The following RTL6 variants were observed in gnomAD, a reference collection of about 807,000 sequenced individuals.
The protein encoded by RTL6 is retrotransposon Gag-like protein 6.
RTL6 carries 9 observed loss-of-function variants against 12.4 expected under a neutral mutation model. That is an observed-to-expected ratio of 0.73 (90% CI 0.44 to 1.27). The LOEUF is 1.27. Among genes scored for constraint, RTL6 ranks in the 50% most tolerant of loss-of-function variants. The pLI is 0.00. For missense variants in RTL6, 291 were observed against 330.7 expected, an observed-to-expected ratio of 0.88 and a Z score of 0.93; for synonymous variants, 160 against 142.8, an observed-to-expected ratio of 1.12 and a Z score of -0.86.
In RTL6 at chr22:44,496,759, G is replaced by C. The variant is rs1022402266; in HGVS notation, c.*78C>G. On this transcript the variant is annotated 3_prime_UTR_variant, in exon 2 of 2. Coordinates refer to ENST00000341255, the MANE Select transcript of RTL6 (RefSeq NM_032287.3). ...GTCTTCAAACAGGGGCAAAGCTGTC[G>C]TATGGGCATTTCTTCTACACAGCAA... 8.1e-6 allele frequency: 12 copies of C among 1,482,736 alleles called. No individual in the cohort carries two copies. Among genetic ancestry groups the C allele is most frequent in the African/African-American group, 5.6e-5 (4 of 71,068 alleles). The allele number at this position is 1,482,736 out of a possible 1,614,324, so 91.8% of individuals were successfully genotyped here.
rs531656869 is a variant in RTL6 at position 44,493,134 on chromosome 22, T to C, written c.*3703A>G. On this transcript the variant is annotated 3_prime_UTR_variant, in exon 2 of 2. Transcript: ENST00000341255. ...ATCATAAGGGGAGATGCCCACGATA[T>C]GCTAAGTGAAAACAGCTGCACAAAA... The C allele has an allele frequency of 3.9e-4, 59 of 152,260 alleles. No individual in the cohort carries two copies. Among genetic ancestry groups the C allele is most frequent in the African/African-American group, 1.3e-3 (55 of 41,532 alleles). The allele number at this position is 152,260 out of a possible 1,614,324, so 9.4% of individuals were successfully genotyped here.
chr22:44,496,625 T>C lies in RTL6; in HGVS notation c.*212A>G. 1 of 649,898 alleles carries C rather than the reference T, an allele frequency of 1.5e-6. No individual in the cohort carries two copies. The highest frequency in any genetic ancestry group is 1.9e-5 in the South Asian group (1 of 51,444). 40.3% of individuals were successfully genotyped at this position (649,898 alleles called of 1,614,324 possible). On this transcript the variant is annotated 3_prime_UTR_variant, in exon 2 of 2. Transcript: ENST00000341255. The stretch of plus-strand genomic sequence containing the variant: ...AGGCGAGCATGCAGTGAGCGATAGG[T>C]ACAAAGCTAGCACGTAAGAGGAAGC...
chr22:44,497,690 G>T lies in RTL6; in HGVS notation c.-134C>A. ...GGCGCTGCGAGACCCCCAAGCCGAG[G>T]GCCCGAGAGAGGGGCACGCGGTGCC... On this transcript the variant is annotated 5_prime_UTR_variant, in exon 2 of 2. Transcript: ENST00000341255. 7.9e-7 allele frequency: 1 copy of T among 1,272,148 alleles called. No individual in the cohort carries two copies. The highest frequency in any genetic ancestry group is 1.1e-6 in the Non-Finnish European group (1 of 935,828). 78.8% of individuals were successfully genotyped at this position (1,272,148 alleles called of 1,614,324 possible).
In RTL6 at chr22:44,494,218, C is replaced by T. The variant is rs1924380263; in HGVS notation, c.*2619G>A. 1 of 152,212 alleles carries T rather than the reference C, an allele frequency of 6.6e-6. No individual in the cohort carries two copies. The highest frequency in any genetic ancestry group is 2.4e-5 in the African/African-American group (1 of 41,430). 9.4% of individuals were successfully genotyped at this position (152,212 alleles called of 1,614,324 possible). A position where few individuals can be genotyped will look rare whatever the true frequency, so the allele number is the denominator to read the frequency against. On this transcript the variant is annotated 3_prime_UTR_variant, in exon 2 of 2. Transcript: ENST00000341255. Reference sequence around the variant, plus strand: ...TCACATGCACTGTTGAACACTACTGCCTGTCCCTTTTATCAATCAATACCC... The same window carrying T: ...TCACATGCACTGTTGAACACTACTGTCTGTCCCTTTTATCAATCAATACCC...
chr22:44,497,659 C>A lies in RTL6; in HGVS notation c.-103G>T. ...AATGGGGGCAGTGTGGGGTGCACGA[C>A]GGCAGGGCGCTGCGAGACCCCCAAG... On this transcript the variant is annotated 5_prime_UTR_variant, in exon 2 of 2. Transcript: ENST00000341255. The A allele has an allele frequency of 1.4e-6, 2 of 1,433,720 alleles. No individual in the cohort carries two copies. Among genetic ancestry groups the A allele is most frequent in the Non-Finnish European group, 1.9e-6 (2 of 1,074,476 alleles). The allele number at this position is 1,433,720 out of a possible 1,614,324, so 88.8% of individuals were successfully genotyped here. A position where few individuals can be genotyped will look rare whatever the true frequency, so the allele number is the denominator to read the frequency against.
rs539147495 is a variant in RTL6 at position 44,495,669 on chromosome 22, C to CCCCG, written c.*1167_*1168insCGGG. 6.6e-6 allele frequency: 1 copy of CCCCG among 152,174 alleles called. No individual in the cohort carries two copies. The highest frequency in any genetic ancestry group is 2.4e-5 in the African/African-American group (1 of 41,412). The allele number at this position is 152,174 out of a possible 1,614,324, so 9.4% of individuals were successfully genotyped here. A position where few individuals can be genotyped will look rare whatever the true frequency, so the allele number is the denominator to read the frequency against. On this transcript the variant is annotated 3_prime_UTR_variant, in exon 2 of 2. Coordinates refer to ENST00000341255, the MANE Select transcript of RTL6 (RefSeq NM_032287.3). ...GGTTGCCAGAGGCAGACACCCCCCC[C>CCCCG]GGCCTTAAGTGCTTAAGGATGTTTC...
In RTL6 at chr22:44,497,114, G is replaced by T. The variant is rs542282202; in HGVS notation, c.443C>A (p.Ala148Glu). 6.2e-7 allele frequency: 1 copy of T among 1,614,150 alleles called. No homozygotes were observed. Among genetic ancestry groups the T allele is most frequent in the African/African-American group, 1.3e-5 (1 of 75,064 alleles). ...CATGTGGGGGATAGCCCACTTCTCC[G>T]CCTCCCCAGTCAGTCGAGACACAAG... Reference protein sequence around the residue: ...AFLVSRLTGEAEKWAIPHMQP... With the variant: ...AFLVSRLTGEEEKWAIPHMQP... Residue 148 changes from alanine to glutamate, a missense_variant, in exon 2 of 2, where the codon GCG becomes GAG. Coordinates refer to ENST00000341255, the MANE Select transcript of RTL6 (RefSeq NM_032287.3).
rs1924411071 is a variant in RTL6 at position 44,495,207 on chromosome 22, C to T, written c.*1630G>A. 1.3e-5 allele frequency: 2 copies of T among 152,658 alleles called. No individual in the cohort carries two copies. The highest frequency in any genetic ancestry group is 4.8e-5 in the African/African-American group (2 of 41,452). The allele number at this position is 152,658 out of a possible 1,614,324, so 9.5% of individuals were successfully genotyped here. On this transcript the variant is annotated 3_prime_UTR_variant, in exon 2 of 2. Transcript: ENST00000341255. ...GCGGACCCCAGCAACCACTGAATGT[C>T]CTTGACCTTGCAAGGCAGCGGTTCT...
Position 44,496,772 on chromosome 22 carries a change from T to C in RTL6, c.*65A>G, listed in dbSNP as rs1924459493. On this transcript the variant is annotated 3_prime_UTR_variant, in exon 2 of 2. Coordinates refer to ENST00000341255, the MANE Select transcript of RTL6 (RefSeq NM_032287.3). ...GGCAAAGCTGTCGTATGGGCATTTCTTCTACACAGCAAAGAGCGTATGCTA... is the reference window on the plus strand; with the variant it reads ...GGCAAAGCTGTCGTATGGGCATTTCCTCTACACAGCAAAGAGCGTATGCTA... 1.3e-6 allele frequency: 2 copies of C among 1,507,918 alleles called. No individual in the cohort carries two copies. The highest frequency in any genetic ancestry group is 2.2e-5 in the Admixed American group (1 of 44,508). 93.4% of individuals were successfully genotyped at this position (1,507,918 alleles called of 1,614,324 possible).
Position 44,498,214 on chromosome 22 carries a change from A to AGGTGCAGGGACCGGGCCAGGCCGGGGCC in RTL6, c.-427_-426insGGCCCCGGCCTGGCCCGGTCCCTGCACC. 1 of 151,298 alleles carries AGGTGCAGGGACCGGGCCAGGCCGGGGCC rather than the reference A, an allele frequency of 6.6e-6. No individual in the cohort carries two copies. The highest frequency in any genetic ancestry group is 2.0e-4 in the East Asian group (1 of 5,110). 9.4% of individuals were successfully genotyped at this position (151,298 alleles called of 1,614,324 possible). On this transcript the variant is annotated 5_prime_UTR_variant, in exon 1 of 2. Coordinates refer to ENST00000341255, the MANE Select transcript of RTL6 (RefSeq NM_032287.3). ...GCGATGGCGGCGGGCGGCCTCCGGC[A>AGGTGCAGGGACCGGGCCAGGCCGGGGCC]GGTGCAGGGACCGGGCCAGGCCGGG...
rs5765680 is a variant in RTL6 at position 44,496,671 on chromosome 22, G to C, written c.*166C>G. The C allele has an allele frequency of 0.14, 122,217 of 862,074 alleles. 11,292 individuals carry two copies. The highest frequency in any genetic ancestry group is 0.4 in the African/African-American group (23,850 of 59,278). 53.4% of individuals were successfully genotyped at this position (862,074 alleles called of 1,614,324 possible). On this transcript the variant is annotated 3_prime_UTR_variant, in exon 2 of 2. Transcript: ENST00000341255. ...GAAGCACGGCAAGGTGGGCAACCAG[G>C]GCGCCAGGAAGGACGGAAGGAAGAT...
rs1204537201 is a variant in RTL6 at position 44,494,801 on chromosome 22, T to C, written c.*2036A>G. ...CTTTCAAAAAGCCACTCGAGTAGAG[T>C]GAGCGCTGGCGACACAGCAGAGTTC... On this transcript the variant is annotated 3_prime_UTR_variant, in exon 2 of 2. Coordinates refer to ENST00000341255, the MANE Select transcript of RTL6 (RefSeq NM_032287.3). 2 of 150,958 alleles carry C rather than the reference T, an allele frequency of 1.3e-5. No homozygotes were observed. Among genetic ancestry groups the C allele is most frequent in the African/African-American group, 4.9e-5 (2 of 40,476 alleles). 9.4% of individuals were successfully genotyped at this position (150,958 alleles called of 1,614,324 possible).
Position 44,493,380 on chromosome 22 carries a change from G to A in RTL6, c.*3457C>T, listed in dbSNP as rs1465907330. On this transcript the variant is annotated 3_prime_UTR_variant, in exon 2 of 2. Coordinates refer to ENST00000341255, the MANE Select transcript of RTL6 (RefSeq NM_032287.3). ...AAGGCATGAGGCACACGGAAGTGAG[G>A]AGCTGGGTTTCCTCCCATCTCTACC... The A allele has an allele frequency of 1.4e-4, 21 of 152,164 alleles. No homozygotes were observed. The highest frequency in any genetic ancestry group is 1.3e-3 in the Admixed American group (20 of 15,274). The allele number at this position is 152,164 out of a possible 1,614,324, so 9.4% of individuals were successfully genotyped here. A position where few individuals can be genotyped will look rare whatever the true frequency, so the allele number is the denominator to read the frequency against.
Position 44,497,637 on chromosome 22 carries a change from G to A in RTL6, c.-81C>T. The stretch of plus-strand genomic sequence containing the variant: ...TGACCAGGTGGGCCCCTGTAGAAAT[G>A]GGGGCAGTGTGGGGTGCACGACGGC... On this transcript the variant is annotated 5_prime_UTR_variant, in exon 2 of 2. Coordinates refer to ENST00000341255, the MANE Select transcript of RTL6 (RefSeq NM_032287.3). 6.6e-7 allele frequency: 1 copy of A among 1,520,742 alleles called. No individual in the cohort carries two copies. Among genetic ancestry groups the A allele is most frequent in the Non-Finnish European group, 8.8e-7 (1 of 1,130,018 alleles). 94.2% of individuals were successfully genotyped at this position (1,520,742 alleles called of 1,614,324 possible).
Position 44,496,668 on chromosome 22 carries a change from C to A in RTL6, c.*169G>T. On this transcript the variant is annotated 3_prime_UTR_variant, in exon 2 of 2. Transcript: ENST00000341255. ...GAGGAAGCACGGCAAGGTGGGCAAC[C>A]AGGGCGCCAGGAAGGACGGAAGGAA... 1 of 845,220 alleles carries A rather than the reference C, an allele frequency of 1.2e-6. No individual in the cohort carries two copies. The highest frequency in any genetic ancestry group is 1.8e-6 in the Non-Finnish European group (1 of 543,816). 52.4% of individuals were successfully genotyped at this position (845,220 alleles called of 1,614,324 possible).
At position 44,497,405 on chromosome 22, in the gene RTL6, G is replaced by A. The variant is rs775226158; in HGVS notation, c.152C>T (p.Ala51Val). The A allele has an allele frequency of 6.2e-7, 1 of 1,613,926 alleles. No individual in the cohort carries two copies. Among genetic ancestry groups the A allele is most frequent in the Admixed American group, 1.7e-5 (1 of 59,998 alleles). Residue 51 changes from alanine (A) to valine (V), a missense_variant, in exon 2 of 2, where the codon GCC becomes GTC. By Grantham distance (64) the Ala-to-Val change is moderately conservative (BLOSUM62 0). Coordinates refer to ENST00000341255, the MANE Select transcript of RTL6 (RefSeq NM_032287.3). ...REASTLRAEK[A>V]NLTNMLESVM... ...GCTCTCCAGCATGTTGGTGAGATTG[G>A]CCTTCTCCGCCCGCAGGGTGGAAGC...
chr22:44,497,170 G>C lies in RTL6; in HGVS notation c.387C>G (p.Arg129=), dbSNP rs761633653. Reference sequence around the variant, plus strand: ...CCACACGCTCGGCCTCACCCGGGAAGCGGGAGGCCTGGAAGATCATGAATC... The same window carrying C: ...CCACACGCTCGGCCTCACCCGGGAACCGGGAGGCCTGGAAGATCATGAATC... ...MDRFMIFQAS[R]FPGEAERVAF... Residue 129 remains arginine, a synonymous_variant, in exon 2 of 2, where the codon CGC becomes CGG. Coordinates refer to ENST00000341255, the MANE Select transcript of RTL6 (RefSeq NM_032287.3). 1 of 1,613,942 alleles carries C rather than the reference G, an allele frequency of 6.2e-7. No homozygotes were observed. Among genetic ancestry groups the C allele is most frequent in the Admixed American group, 1.7e-5 (1 of 60,032 alleles).
In RTL6 at chr22:44,497,357, A is replaced by G. The variant is rs750581284; in HGVS notation, c.200T>C (p.Leu67Ser). 1 of 1,612,860 alleles carries G rather than the reference A, an allele frequency of 6.2e-7. No homozygotes were observed. The highest frequency in any genetic ancestry group is 1.7e-5 in the Admixed American group (1 of 60,012). ...CCCCGGGATCCGCGCCCTGGTGCGT[A>G]ACAAGGTCAGCTCTGCCATCACGCT... Reference protein sequence around the residue: ...LESVMAELTLLRTRARIPGAL... With the variant: ...LESVMAELTLSRTRARIPGAL... Residue 67 changes from leucine to serine, a missense_variant, in exon 2 of 2, where the codon TTA becomes TCA. This residue lies in a region of RTL6 where 155 missense variants were observed against 149.2 expected (regional missense o/e 1.04). Transcript: ENST00000341255.
rs1005823688 is a variant in RTL6, at chr22:44,496,532, G to A, written c.*305C>T. ...CAGCCCTCGTGGTCCGTCAGCGTGC[G>A]GCGGAGTCCCTGTGCCTAAGTAGCA... On this transcript the variant is annotated 3_prime_UTR_variant, in exon 2 of 2. Transcript: ENST00000341255. 1.1e-4 allele frequency: 40 copies of A among 369,056 alleles called. No homozygotes were observed. Among genetic ancestry groups the A allele is most frequent in the Admixed American group, 3.9e-4 (9 of 22,894 alleles). 22.9% of individuals were successfully genotyped at this position (369,056 alleles called of 1,614,324 possible).
Sources: gnomAD v4.1 joint callset for allele counts on GRCh38, gnomAD v4.1.1 for gene constraint, gnomAD v4.1.1 regional missense constraint, MANE v1.5 for transcripts, NCBI Gene and HGNC (gene_info 2026-07-23, HGNC 2026-07-21) for gene names.